The following PRKN variants were observed in gnomAD, a reference collection of about 807,000 sequenced individuals.
PRKN encodes the protein E3 ubiquitin-protein ligase parkin.
Under a neutral mutation model 59.5 loss-of-function variants are expected in PRKN, and 56 were observed. The ratio of observed to expected loss-of-function variants is 0.94; its 90% confidence interval spans 0.76 to 1.18. PRKN has a LOEUF of 1.18. Among genes scored for constraint, PRKN ranks in the 50% most tolerant of loss-of-function variants. The pLI, the probability that PRKN is intolerant of heterozygous loss-of-function variation, is 0.00. For missense variants in PRKN, 657 were observed against 596.4 expected (o/e 1.10, Z -1.06); for synonymous variants, 250 against 222.1 (o/e 1.13, Z -1.12).
chr6:161,574,836 T>C (rs943866062), intron 7 of PRKN, among the ~76,000 whole-genome samples: 4 of 152,216 alleles, frequency 2.6e-5, no homozygotes, highest in Admixed American at 6.5e-5. Flanking sequence ...TTCTCTTTGC[T>C]CAAGAAAACA....
Position 162,271,921 on chromosome 6 carries a change from T to TTTGA in PRKN, c.172-9157_172-9156insTCAA, listed in dbSNP as rs545837885. Among the ~76,000 whole-genome samples the TTTGA allele has an allele frequency of 6.7e-4, 102 of 152,372 alleles. 1 individual carries two copies. The highest frequency in any genetic ancestry group is 2.0e-3 in the African/African-American group (84 of 41,592). ...CATTATGATCAAAAATATTATGCTG[T>TTTGA]GTAAAGATACTGAAAGGCCCCTTCT... On this transcript the variant is annotated intron_variant, in intron 2 of 11. Coordinates refer to ENST00000366898, the MANE Select transcript of PRKN (RefSeq NM_004562.3).
At chr6:161,799,097 C>A (rs781701549) in intron 6 of PRKN, among the ~76,000 whole-genome samples, 1 of 152,206 alleles carries the variant, frequency 6.6e-6, no homozygotes, top group Non-Finnish European at 1.5e-5. Context: ...TGCTTTTGTG[C>A]CATAATAGCA....
intron 7 of PRKN, among the ~76,000 whole-genome samples, chr6:161,717,157 T>A (rs569793139): frequency 2.0e-5 from 3 of 152,268 alleles, no homozygotes; most frequent in African/African-American, 7.2e-5. Flanking sequence ...CTGAGATGGA[T>A]AATTTATAAA....
chr6:161,924,253 C>T (rs908190142), intron 6 of PRKN, among the ~76,000 whole-genome samples: 4 of 152,170 alleles, frequency 2.6e-5, no homozygotes, highest in Admixed American at 6.5e-5. Context: ...AATCACTTCT[C>T]GGGCCTCATC....
rs1780037568 is a variant in PRKN, at chr6:162,565,671, C to G, written c.8-122198G>C. On this transcript the variant is annotated intron_variant, in intron 1 of 11. Transcript: ENST00000366898. ...TGCCATTGCACTCCAGCCTGGGTGA[C>G]AAGAGTGAAACTCAGTCTCAAAATA... 2.6e-5 allele frequency among the ~76,000 whole-genome samples: 4 copies of G among 151,898 alleles called. No individual in the cohort carries two copies. The South Asian group carries it at 8.3e-4, about 32-fold the overall frequency.
chr6:162,079,665 TC>T (rs1778979916), intron 4 of PRKN, among the ~76,000 whole-genome samples: 2 of 152,048 alleles, frequency 1.3e-5, no homozygotes, highest in South Asian at 4.2e-4. Flanking sequence ...TCTGCCCACT[TC>T]CCTCCTTCCC....
intron 5 of PRKN, among the ~76,000 whole-genome samples, chr6:162,007,974 T>C (rs1229128806): frequency 6.6e-6 from 1 of 152,164 alleles, no homozygotes; most frequent in Non-Finnish European, 1.5e-5. Context: ...TATTTTCAGA[T>C]GTCGCTAGGG....
Position 161,493,506 on chromosome 6 carries a change from C to T in PRKN, c.1083+55348G>A, listed in dbSNP as rs373326723. ...ACTGCCTCTGCTAATGGAAGGTACTCGGTCAGTGTTTATCCAGTTGATGAA... is the reference window on the plus strand; with the variant it reads ...ACTGCCTCTGCTAATGGAAGGTACTTGGTCAGTGTTTATCCAGTTGATGAA... On this transcript the variant is annotated intron_variant, in intron 9 of 11. Transcript: ENST00000366898. Among the ~76,000 whole-genome samples, 7 of 152,272 alleles carry T rather than the reference C, an allele frequency of 4.6e-5. 1 individual carries two copies. Among genetic ancestry groups the T allele is most frequent in the African/African-American group, 4.8e-5 (2 of 41,538 alleles).
At chr6:161,667,793 C>T (rs1784775284) in intron 7 of PRKN, among the ~76,000 whole-genome samples, 1 of 152,134 alleles carries the variant, frequency 6.6e-6, no homozygotes, top group South Asian at 2.1e-4. Flanking sequence ...AGTGAAATTA[C>T]AGGTAATTCT....
intron 1 of PRKN, among the ~76,000 whole-genome samples, chr6:162,680,070 TTC>T (rs1276513214): frequency 2.6e-5 from 4 of 152,048 alleles, no homozygotes; most frequent in African/African-American, 7.2e-5. Context: ...AAATGTTATT[TTC>T]TGTTTTCCCA....
In PRKN at chr6:162,061,659, C is replaced by A. The variant is rs185796725; in HGVS notation, c.535-7485G>T. ...CACTGTCACAAAGCCAAGCACAGTG[C>A]CGTGGTTAGAGCAGCAGCATAATAA... is the stretch of plus-strand genomic sequence containing the variant. On this transcript the variant is annotated intron_variant, in intron 4 of 11. Transcript: ENST00000366898. Among the ~76,000 whole-genome samples the A allele has an allele frequency of 3.3e-5, 5 of 152,270 alleles. No individual in the cohort carries two copies. The East Asian group carries it at 9.7e-4, about 29-fold the overall frequency.
intron 2 of PRKN, among the ~76,000 whole-genome samples, chr6:162,324,038 C>A (rs189584612): frequency 2.6e-5 from 4 of 152,166 alleles, no homozygotes; most frequent in African/African-American, 9.6e-5. Context: ...AGTCTACACA[C>A]CTGTATACAG....
In PRKN at chr6:161,899,993, C is replaced by T. The variant is rs574111891; in HGVS notation, c.734+73309G>A. The stretch of plus-strand genomic sequence containing the variant: ...AAAAATTAGCTGGGCGTCTGTAATC[C>T]CAGCTACTCGGGAGGCTGAGGCAGG... On this transcript the variant is annotated intron_variant, in intron 6 of 11. Transcript: ENST00000366898. 1.4e-4 allele frequency among the ~76,000 whole-genome samples: 22 copies of T among 151,988 alleles called. 2 individuals carry two copies. The South Asian group carries it at 3.8e-3, about 26-fold the overall frequency.
chr6:161,452,507 C>G (rs1789781799), intron 9 of PRKN, among the ~76,000 whole-genome samples: 1 of 152,098 alleles, frequency 6.6e-6, no homozygotes, highest in Admixed American at 6.6e-5. Flanking sequence ...TTTAGAAGTT[C>G]AAGTATGTAT....
intron 2 of PRKN, among the ~76,000 whole-genome samples, chr6:162,429,303 T>C (rs1359266520): frequency 6.6e-6 from 1 of 152,124 alleles, no homozygotes; most frequent in Non-Finnish European, 1.5e-5. Flanking sequence ...AAAGCATTAA[T>C]AACCTTCTTG....
rs1016472394 is a variant in PRKN at position 162,360,529 on chromosome 6, T to A, written c.171+82781A>T. Among the ~76,000 whole-genome samples the A allele has an allele frequency of 4.6e-5, 7 of 152,316 alleles. No homozygotes were observed. The East Asian group carries it at 7.7e-4, about 17-fold the overall frequency. On this transcript the variant is annotated intron_variant, in intron 2 of 11. Transcript: ENST00000366898. ...TGTCTACTCTCGATACAGTCAGACA[T>A]CTTTTCTTCTTTTTTAAATATTAAA...
chr6:161,385,495 T>C lies in PRKN; in HGVS notation c.1167+1299A>G, dbSNP rs1352639899. 1.3e-5 allele frequency among the ~76,000 whole-genome samples: 2 copies of C among 152,194 alleles called. No individual in the cohort carries two copies. The highest frequency in any genetic ancestry group is 4.8e-5 in the African/African-American group (2 of 41,454). ...TGGTTCCTCTTGACTGAAGAATGAATGGGATTAGAGGGAGGGTCAGGCGCC... is the reference window on the plus strand; with the variant it reads ...TGGTTCCTCTTGACTGAAGAATGAACGGGATTAGAGGGAGGGTCAGGCGCC... On this transcript the variant is annotated intron_variant, in intron 10 of 11. Transcript: ENST00000366898. This position sits in a 1 kb window ranked among gnomAD's most constrained non-coding sequence, Gnocchi z 4.9.
In PRKN at chr6:161,547,961, C is replaced by T. The variant is rs1779854948; in HGVS notation, c.1083+893G>A. Among the ~76,000 whole-genome samples the T allele has an allele frequency of 6.6e-6, 1 of 152,196 alleles. No individual in the cohort carries two copies. Among genetic ancestry groups the T allele is most frequent in the Non-Finnish European group, 1.5e-5 (1 of 68,040 alleles). ...GAAGCTTTACTAAGGGGAACCAATGCTAATTTATTTCTAGATGACTTACAG... is the reference window on the plus strand; with the variant it reads ...GAAGCTTTACTAAGGGGAACCAATGTTAATTTATTTCTAGATGACTTACAG... On this transcript the variant is annotated intron_variant, in intron 9 of 11. Coordinates refer to ENST00000366898, the MANE Select transcript of PRKN (RefSeq NM_004562.3). The surrounding 1 kb of genome is among the most constrained non-coding windows in gnomAD (Gnocchi z 4.0).
chr6:162,195,939 C>G (rs1000921856), intron 4 of PRKN, among the ~76,000 whole-genome samples: 2 of 152,180 alleles, frequency 1.3e-5, no homozygotes, highest in African/African-American at 2.4e-5. Context: ...ACTTCTATGT[C>G]AATTCTATCT....
Sources: gnomAD v4.1 joint callset for allele counts (sites outside exome capture counted in the v4.1 genomes callset) on GRCh38, gnomAD v4.1.1 for gene constraint, Gnocchi (gnomAD v3.1) non-coding constraint, MANE v1.5 for transcripts, NCBI Gene and HGNC (gene_info 2026-07-23, HGNC 2026-07-21) for gene names.